Variants in CNTNAP5 observed in about 807,000 individuals in gnomAD.
CNTNAP5 encodes contactin-associated protein-like 5.
CNTNAP5 carries 72 observed loss-of-function variants against 150.2 expected under a neutral mutation model. That is an observed-to-expected ratio of 0.48 (90% CI 0.40 to 0.58). The LOEUF is 0.58. Ranked by LOEUF, CNTNAP5 falls within the 20% of genes least tolerant of loss-of-function variation. The pLI is 0.00. For missense variants in CNTNAP5, 1,636 were observed against 1,626.2 expected (o/e 1.01, Z -0.10); for synonymous variants, 672 against 619.8 (o/e 1.08, Z -1.25).
intron 3 of CNTNAP5, among the ~76,000 whole-genome samples, chr2:124,405,082 T>A (rs1387392480): frequency 1.6e-4 from 25 of 152,150 alleles, no homozygotes. Context: ...ATCAAATTTC[T>A]GAGAACTAGT....
At chr2:124,353,577 G>A (rs761444837) in intron 3 of CNTNAP5, among the ~76,000 whole-genome samples, 15 of 152,060 alleles carry the variant, frequency 9.9e-5, no homozygotes, top group East Asian at 5.8e-4. Flanking sequence ...TCAGGCAGGC[G>A]GAGTGAGAAT....
intron 3 of CNTNAP5, among the ~76,000 whole-genome samples, chr2:124,372,348 G>T (rs889332562): frequency 6.6e-6 from 1 of 152,004 alleles, no homozygotes; most frequent in African/African-American, 2.4e-5. Flanking sequence ...TTGTTCTCCA[G>T]CTTGCAGACC....
intron 16 of CNTNAP5, among the ~76,000 whole-genome samples, chr2:124,765,131 T>A (rs999610252): frequency 4.1e-4 from 63 of 152,164 alleles, no homozygotes; most frequent in African/African-American, 1.4e-3. Context: ...TAAAAATTCA[T>A]AAAAATTTCA....
At chr2:124,200,238 T>C (rs750418610) in intron 1 of CNTNAP5, among the ~76,000 whole-genome samples, 3 of 152,220 alleles carry the variant, frequency 2.0e-5, no homozygotes, top group Non-Finnish European at 4.4e-5. Flanking sequence ...AGCTTTCAAT[T>C]TGGTAAATAA....
At chr2:124,417,044 T>G (rs976366683) in intron 3 of CNTNAP5, among the ~76,000 whole-genome samples, 2 of 151,308 alleles carry the variant, frequency 1.3e-5, no homozygotes, top group African/African-American at 4.9e-5. Flanking sequence ...TTCAAGTGAT[T>G]ATCCTGCCTC....
chr2:124,095,418 A>G (rs1454310377), intron 1 of CNTNAP5, among the ~76,000 whole-genome samples: 1 of 152,148 alleles, frequency 6.6e-6, no homozygotes, highest in East Asian at 1.9e-4. Context: ...GCTAGATGAC[A>G]GGTTGATAGG....
chr2:124,657,540 A>G (rs955923834), intron 13 of CNTNAP5, among the ~76,000 whole-genome samples: 8 of 152,008 alleles, frequency 5.3e-5, no homozygotes, highest in African/African-American at 1.7e-4. Flanking sequence ...CCACCATCCC[A>G]TGCCCCATTT....
chr2:124,210,214 A>G (rs1290930711), intron 1 of CNTNAP5, among the ~76,000 whole-genome samples: 1 of 152,186 alleles, frequency 6.6e-6, no homozygotes, highest in Non-Finnish European at 1.5e-5. Flanking sequence ...ATATAAATAT[A>G]TGGTTTTTAG....
intron 1 of CNTNAP5, among the ~76,000 whole-genome samples, chr2:124,215,187 G>A (rs1256305162): frequency 6.6e-6 from 1 of 152,062 alleles, no homozygotes; most frequent in African/African-American, 2.4e-5. Context: ...ATGCTAAGAG[G>A]AATTTTATCT....
intron 1 of CNTNAP5, among the ~76,000 whole-genome samples, chr2:124,215,366 G>A (rs892197444): frequency 2.6e-5 from 4 of 152,074 alleles, no homozygotes; most frequent in Admixed American, 6.6e-5. Context: ...AATGTTACTC[G>A]AAGTAGAATC....
chr2:124,849,595 C>T lies in CNTNAP5; in HGVS notation c.3218-15711C>T, dbSNP rs186832629. Reference sequence around the variant, plus strand: ...TATACAATTGGAATTTTAATAAGAACTGCATTGAATTTGTAGCTCATTTGG... The same window carrying T: ...TATACAATTGGAATTTTAATAAGAATTGCATTGAATTTGTAGCTCATTTGG... On this transcript the variant is annotated intron_variant, in intron 19 of 23. Transcript: ENST00000682447. Among the ~76,000 whole-genome samples, 237 of 152,144 alleles carry T rather than the reference C, an allele frequency of 1.6e-3. 2 individuals carry two copies. Among genetic ancestry groups the T allele is most frequent in the African/African-American group, 4.5e-3 (187 of 41,516 alleles).
At chr2:124,853,319 G>C (rs1330594265) in intron 19 of CNTNAP5, among the ~76,000 whole-genome samples, 5 of 152,112 alleles carry the variant, frequency 3.3e-5, no homozygotes, top group African/African-American at 1.2e-4. Context: ...GCTCCTAATG[G>C]AATCCCCCTT....
chr2:124,814,898 G>A (rs1682316020), intron 19 of CNTNAP5, among the ~76,000 whole-genome samples: 2 of 152,112 alleles, frequency 1.3e-5, no homozygotes, highest in Non-Finnish European at 2.9e-5. Context: ...TTAAAACAAA[G>A]AGAGGGGAAA....
intron 19 of CNTNAP5, among the ~76,000 whole-genome samples, chr2:124,859,983 C>T (rs562430381): frequency 6.6e-6 from 1 of 151,920 alleles, no homozygotes; most frequent in East Asian, 1.9e-4. Context: ...GAGTGCAGCA[C>T]ACCAACATGG....
At chr2:124,693,442 T>G (rs896472323) in intron 13 of CNTNAP5, among the ~76,000 whole-genome samples, 3 of 152,078 alleles carry the variant, frequency 2.0e-5, no homozygotes, top group African/African-American at 7.2e-5. Flanking sequence ...ATATCATAAG[T>G]CATAGAAACC....
intron 3 of CNTNAP5, among the ~76,000 whole-genome samples, chr2:124,382,274 G>T (rs1690815725): frequency 2.0e-5 from 3 of 152,240 alleles, no homozygotes; most frequent in Non-Finnish European, 4.4e-5. Flanking sequence ...ACAGAGAGAG[G>T]TGGCTTTGTG....
chr2:124,070,805 C>G (rs1156909458), intron 1 of CNTNAP5, among the ~76,000 whole-genome samples: 2 of 151,846 alleles, frequency 1.3e-5, no homozygotes, highest in African/African-American at 2.4e-5. Context: ...GATAGAAAAT[C>G]AAGAAAGAAA....
intron 10 of CNTNAP5, among the ~76,000 whole-genome samples, chr2:124,559,958 G>A (rs932275161): frequency 1.3e-5 from 2 of 152,018 alleles, no homozygotes; most frequent in African/African-American, 4.8e-5. Context: ...ATTTTTCCTT[G>A]CTCAAGTACT....
intron 4 of CNTNAP5, among the ~76,000 whole-genome samples, chr2:124,429,948 C>T (rs1047825330): frequency 1.3e-5 from 2 of 152,140 alleles, no homozygotes; most frequent in African/African-American, 4.8e-5. Flanking sequence ...CTTCCGAGTC[C>T]ATTGCGAGGC....
Sources: gnomAD v4.1 joint callset for allele counts (sites outside exome capture counted in the v4.1 genomes callset) on GRCh38, gnomAD v4.1.1 for gene constraint, MANE v1.5 for transcripts, NCBI Gene and HGNC (gene_info 2026-07-23, HGNC 2026-07-21) for gene names.